RTEL1: variants seen among roughly 807,000 people sequenced by gnomAD.
The protein encoded by RTEL1 is regulator of telomere elongation helicase 1.
RTEL1 carries 86 observed loss-of-function variants against 162.2 expected under a neutral mutation model. That is an observed-to-expected ratio of 0.53 (90% CI 0.45 to 0.63). RTEL1 has a LOEUF of 0.63. Ranked by LOEUF, RTEL1 falls within the 30% of genes least tolerant of loss-of-function variation. The probability of loss-of-function intolerance (pLI) is 0.00; values close to 1 mark genes in which losing one functional copy is unlikely to be tolerated. For synonymous variants in RTEL1, 958 were observed against 717.9 expected (o/e 1.33, Z -5.35); for missense variants, 1,941 against 1,750.2 (o/e 1.11, Z -1.95).
In RTEL1 at chr20:63,694,850, C is replaced by T. The variant is rs376151757; in HGVS notation, c.3219C>T (p.Ser1073=). 4.7e-5 allele frequency: 76 copies of T among 1,612,478 alleles called. No individual in the cohort carries two copies. Among genetic ancestry groups the T allele is most frequent in the East Asian group, 3.1e-4 (14 of 44,888 alleles). Residue 1073 remains serine, a synonymous_variant, in exon 32 of 35, where the codon TCC becomes TCT. Coordinates refer to ENST00000360203, the MANE Select transcript of RTEL1 (RefSeq NM_001283009.2). ...YLADARRALG[S]AGCSQLLAAL... is the part of the protein sequence containing the mutation. ...CTGATGCCCGCAGGGCCCTGGGGTCCGCGGGCTGTAGCCAACTCTTGGCAG... is the reference window on the plus strand; with the variant it reads ...CTGATGCCCGCAGGGCCCTGGGGTCTGCGGGCTGTAGCCAACTCTTGGCAG...
chr20:63,658,217 G>A (rs2089947758), upstream of RTEL1: 1 of 152,300 alleles, frequency 6.6e-6, no homozygotes, highest in African/African-American at 2.4e-5. Flanking sequence ...GCAAAACGCC[G>A]TGTAGGCCTG....
intron 4 of RTEL1, 69 bp downstream of exon 4, chr20:63,662,012 A>T: frequency 4.3e-6 from 5 of 1,175,242 alleles, no homozygotes; most frequent in African/African-American, 1.5e-5. Context: ...TGCTGAGTCC[A>T]CAGCCCCATG....
intron 29 of RTEL1, 69 bp downstream of exon 29, chr20:63,693,072 C>T: frequency 6.2e-7 from 1 of 1,609,772 alleles, no homozygotes; most frequent in Non-Finnish European, 8.5e-7. Context: ...TGGGGGCCAT[C>T]TGGGTCCAAG....
At position 63,689,084 on chromosome 20, in the gene RTEL1, C is replaced by T. The variant is rs140738232; in HGVS notation, c.1830C>T (p.Ala610=). 8.3e-5 allele frequency: 134 copies of T among 1,610,830 alleles called. No individual in the cohort carries two copies. The highest frequency in any genetic ancestry group is 1.6e-4 in the Middle Eastern group (1 of 6,076). ...TCAGTGCTTACTATGCAAGGGTTGC[C>T]GCCCCTGGGTCCACCGGCGCCACCT... ...ETISAYYARV[A]APGSTGATFL... is the part of the protein sequence containing the mutation. Residue 610 remains alanine (A), a synonymous_variant, in exon 22 of 35, where the codon GCC becomes GCT. Transcript: ENST00000360203.
At chr20:63,691,344 C>A (rs2090737366) in intron 27 of RTEL1, among the ~76,000 whole-genome samples, 1 of 152,156 alleles carries the variant, frequency 6.6e-6, no homozygotes, top group Non-Finnish European at 1.5e-5. Context: ...CCCCAGAAGC[C>A]CATAATTCCT....
intron 2 of RTEL1, among the ~76,000 whole-genome samples, chr20:63,659,818 T>C (rs531567552): frequency 3.2e-4 from 49 of 152,300 alleles, no homozygotes; most frequent in African/African-American, 1.1e-3. Flanking sequence ...GCGCTCAGCA[T>C]ACAGAGGACC....
At position 63,661,689 on chromosome 20, in the gene RTEL1, G is replaced by T; in HGVS notation, c.302-161G>T. On this transcript the variant is annotated intron_variant, in intron 3 of 34. Transcript: ENST00000360203. The surrounding 1 kb of genome is among the most constrained non-coding windows in gnomAD (Gnocchi z 5.1). ...GGTTGGGCTTTTTTGCTGAATTAGG[G>T]CACGGCAGATGCCCACTTCACCCAT... 1.2e-6 allele frequency: 1 copy of T among 869,004 alleles called. No individual in the cohort carries two copies. Among genetic ancestry groups the T allele is most frequent in the South Asian group, 1.6e-5 (1 of 60,838 alleles). The allele number at this position is 869,004 out of a possible 1,614,324, so 53.8% of individuals were successfully genotyped here.
At chr20:63,681,294 G>T in intron 14 of RTEL1, 1 of 985,400 alleles carries the variant, frequency 1.0e-6, no homozygotes, top group Non-Finnish European at 1.2e-6. Flanking sequence ...AGAGGTGCTT[G>T]TCCGGTTTGT....
chr20:63,687,794 C>T (rs2090630729), intron 17 of RTEL1, 24 bp downstream of exon 17: 1 of 1,558,156 alleles, frequency 6.4e-7, no homozygotes, highest in East Asian at 2.4e-5. Context: ...CTGCCAGGGC[C>T]TGAGCACCGG....
At chr20:63,693,305 A>G (rs773989683) in intron 30 of RTEL1, 22 bp downstream of exon 30, 7 of 1,610,622 alleles carry the variant, frequency 4.3e-6, no homozygotes, top group Admixed American at 1.7e-5. Flanking sequence ...CCCAGGTGGG[A>G]CCCTCAGACT....
intron 30 of RTEL1, 80 bp downstream of exon 30, chr20:63,693,363 G>A: frequency 6.5e-7 from 1 of 1,548,982 alleles, no homozygotes; most frequent in Middle Eastern, 2.1e-4. Flanking sequence ...GCTTGGGGTG[G>A]GCATCCTCGG....
At chr20:63,671,163 C>T (rs1488395667) in intron 8 of RTEL1, among the ~76,000 whole-genome samples, 1 of 152,142 alleles carries the variant, frequency 6.6e-6, no homozygotes, top group East Asian at 1.9e-4. Flanking sequence ...TGGGTTCAAA[C>T]AGTTCTCCTG....
At chr20:63,680,780 C>A in intron 14 of RTEL1, 61 bp downstream of exon 14, 1 of 1,602,380 alleles carries the variant, frequency 6.2e-7, no homozygotes, top group Non-Finnish European at 8.5e-7. Context: ...GTGCCTTCTC[C>A]TGCTGTATTA....
chr20:63,682,687 TG>T (rs967606129), intron 14 of RTEL1: 2 of 985,834 alleles, frequency 2.0e-6, no homozygotes, highest in Non-Finnish European at 2.4e-6. Context: ...GGGCTGGTGC[TG>T]GGTTGGGCCT....
intron 15 of RTEL1, 23 bp from the exon 16 acceptor site, chr20:63,685,768 A>C (rs762731482): frequency 1.2e-6 from 2 of 1,608,858 alleles, no homozygotes; most frequent in Non-Finnish European, 1.7e-6. Flanking sequence ...GGGCCTCCAC[A>C]CTCCTGGTCC....
Position 63,661,758 on chromosome 20 carries a change from G to T in RTEL1, c.302-92G>T. On this transcript the variant is annotated intron_variant, in intron 3 of 34. Coordinates refer to ENST00000360203, the MANE Select transcript of RTEL1 (RefSeq NM_001283009.2). This position sits in a 1 kb window ranked among gnomAD's most constrained non-coding sequence, Gnocchi z 5.1. ...TGGGGTGTCAGATTCTTGGCTGTCT[G>T]CAGGGCCGAGTTAGCCGAATGCCAC... is the stretch of plus-strand genomic sequence containing the variant. 1.7e-6 allele frequency: 2 copies of T among 1,169,726 alleles called. No homozygotes were observed. Among genetic ancestry groups the T allele is most frequent in the South Asian group, 2.5e-5 (2 of 79,994 alleles). 72.5% of individuals were successfully genotyped at this position (1,169,726 alleles called of 1,614,324 possible). A position where few individuals can be genotyped will look rare whatever the true frequency, so the allele number is the denominator to read the frequency against.
At chr20:63,672,207 G>A (rs898558377) in intron 8 of RTEL1, among the ~76,000 whole-genome samples, 2 of 152,328 alleles carry the variant, frequency 1.3e-5, no homozygotes, top group African/African-American at 4.8e-5. Context: ...AAATCTCCCT[G>A]AGTGGGGCTG....
At chr20:63,659,141 C>T (rs986585104) in intron 1 of RTEL1, 92 bp from the exon 2 acceptor site, 19 of 488,332 alleles carry the variant, frequency 3.9e-5, no homozygotes, top group Non-Finnish European at 6.4e-5. Context: ...CTCTCCAACC[C>T]TCTCCGCAGG....
intron 7 of RTEL1, 135 bp downstream of exon 7, chr20:63,666,214 G>C (rs576861477): frequency 1.4e-5 from 10 of 735,954 alleles, no homozygotes; most frequent in Non-Finnish European, 2.2e-6. Flanking sequence ...CATTCAGTAC[G>C]AAAAAGTTTA....
Sources: allele counts gnomAD v4.1 joint callset (sites outside exome capture counted in the v4.1 genomes callset), GRCh38; gene constraint gnomAD v4.1.1; non-coding constraint Gnocchi (gnomAD v3.1); transcripts MANE v1.5; gene names NCBI Gene and HGNC (gene_info 2026-07-23, HGNC 2026-07-21).